NXPE1: variants seen among roughly 807,000 people sequenced by gnomAD.
NXPE1 encodes the protein NXPE family member 1.
Under a neutral mutation model 33.3 loss-of-function variants are expected in NXPE1, and 31 were observed. That is an observed-to-expected ratio of 0.93 (90% confidence interval 0.70 to 1.26). The LOEUF is 1.26. Ranked by LOEUF, NXPE1 falls within the 50% of genes most tolerant of loss-of-function variation. The probability of loss-of-function intolerance (pLI) is 0.00; values close to 1 mark genes in which losing one functional copy is unlikely to be tolerated. For missense variants in NXPE1, 661 were observed against 655.6 expected, an observed-to-expected ratio of 1.01 and a Z score of -0.09; for synonymous variants, 229 against 231.4, an observed-to-expected ratio of 0.99 and a Z score of 0.09.
chr11:114,529,899 GT>G (rs888886366), intron 6 of NXPE1: 1 of 367,262 alleles, frequency 2.7e-6, no homozygotes, highest in African/African-American at 2.1e-5. Flanking sequence ...GAGCATGGAT[GT>G]TATCATACAC....
chr11:114,531,625 C>T (rs1407151806), intron 5 of NXPE1, among the ~76,000 whole-genome samples: 1 of 152,186 alleles, frequency 6.6e-6, no homozygotes, highest in Admixed American at 6.6e-5. Flanking sequence ...ATTTTCAACT[C>T]TACTTCTTGC....
intron 1 of NXPE1, chr11:114,554,436 T>C (rs1411663326): frequency 7.4e-6 from 7 of 950,154 alleles, no homozygotes; most frequent in East Asian, 2.3e-4. Context: ...CTTTGTGACA[T>C]GGGCCCTTTG....
chr11:114,548,137 C>T (rs1315680823), intron 5 of NXPE1, among the ~76,000 whole-genome samples: 1 of 152,012 alleles, frequency 6.6e-6, no homozygotes. Context: ...AATTAAAACA[C>T]AAGCAATGAA....
chr11:114,535,479 C>T (rs564959938), intron 5 of NXPE1, among the ~76,000 whole-genome samples: 3 of 152,274 alleles, frequency 2.0e-5, no homozygotes, highest in Admixed American at 6.5e-5. Flanking sequence ...TTAAAAGGCA[C>T]AGACTGGCAA....
chr11:114,544,571 T>A (rs1226001594), intron 5 of NXPE1, among the ~76,000 whole-genome samples: 1 of 152,098 alleles, frequency 6.6e-6, no homozygotes, highest in Admixed American at 6.6e-5. Flanking sequence ...GACAGAAAAG[T>A]TAACTCTAAA....
intron 5 of NXPE1, among the ~76,000 whole-genome samples, chr11:114,538,421 T>G (rs1056681892): frequency 1.3e-5 from 2 of 151,988 alleles, no homozygotes; most frequent in African/African-American, 4.8e-5. Flanking sequence ...AAGCCAAAAT[T>G]GACAAATGGG....
intron 5 of NXPE1, among the ~76,000 whole-genome samples, chr11:114,534,619 C>T (rs927094355): frequency 6.6e-5 from 10 of 152,226 alleles, no homozygotes; most frequent in South Asian, 2.1e-4. Flanking sequence ...AACCACAGCA[C>T]GAGAGCTACG....
At chr11:114,551,281 A>G in intron 4 of NXPE1, 70 bp from the exon 5 acceptor site, 1 of 1,317,250 alleles carries the variant, frequency 7.6e-7, no homozygotes, top group South Asian at 1.5e-5. Flanking sequence ...TATTTTATTT[A>G]TAACTTGTAA....
chr11:114,522,780 A>ACCTTT, intron 8 of NXPE1, 99 bp downstream of exon 8: 1 of 825,256 alleles, frequency 1.2e-6, no homozygotes, highest in South Asian at 1.7e-5. Flanking sequence ...AGCCAAATGA[A>ACCTTT]GTAAAAAACA....
chr11:114,551,021 T>G, intron 5 of NXPE1, 82 bp downstream of exon 5: 20 of 715,214 alleles, frequency 2.8e-5, no homozygotes. Context: ...GGGGCAGGAC[T>G]AATGGAGTGG....
intron 5 of NXPE1, among the ~76,000 whole-genome samples, chr11:114,546,806 G>C (rs147943146): frequency 1.5e-4 from 23 of 152,222 alleles, no homozygotes; most frequent in African/African-American, 5.5e-4. Context: ...CGGAAAGCAA[G>C]AAATGCTCAA....
downstream of NXPE1, among the ~76,000 whole-genome samples, chr11:114,519,916 G>A (rs1947171668): frequency 2.4e-5 from 3 of 127,390 alleles, no homozygotes; most frequent in African/African-American, 1.1e-4. Context: ...TTTTGAGACA[G>A]AGTCTCGCTC....
chr11:114,538,793 G>T (rs1428867300), intron 5 of NXPE1, among the ~76,000 whole-genome samples: 1 of 152,086 alleles, frequency 6.6e-6, no homozygotes, highest in African/African-American at 2.4e-5. Context: ...AACAGGTGCT[G>T]GAGAGGATGT....
chr11:114,519,765 T>C (rs1947167876), downstream of NXPE1, among the ~76,000 whole-genome samples: 1 of 152,166 alleles, frequency 6.6e-6, no homozygotes. Flanking sequence ...ATTTTGTGTA[T>C]GTATCTTTTA....
chr11:114,542,058 C>T (rs1427360043), intron 5 of NXPE1, among the ~76,000 whole-genome samples: 1 of 152,064 alleles, frequency 6.6e-6, no homozygotes, highest in Non-Finnish European at 1.5e-5. Flanking sequence ...CTGACTGTTC[C>T]CACTTTTGTA....
At chr11:114,523,189 C>T in intron 7 of NXPE1, 98 bp from the exon 8 acceptor site, 1 of 801,190 alleles carries the variant, frequency 1.2e-6, no homozygotes, top group Non-Finnish European at 2.0e-6. Context: ...TTCCCCCTTC[C>T]TGTAATGCCT....
chr11:114,530,571 G>A, exon 6 of NXPE1: 1 of 1,613,958 alleles, frequency 6.2e-7, no homozygotes, highest in Non-Finnish European at 8.5e-7. Context: ...CGTCAGTGCT[G>A]GGGAGGACAT....
chr11:114,542,924 C>T (rs1948150903), intron 5 of NXPE1, among the ~76,000 whole-genome samples: 1 of 152,120 alleles, frequency 6.6e-6, no homozygotes, highest in Non-Finnish European at 1.5e-5. Context: ...ATATTTACCA[C>T]ATCAATAAAT....
At chr11:114,529,118 G>A (rs1440832075) in intron 6 of NXPE1, 2 of 288,366 alleles carry the variant, frequency 6.9e-6, no homozygotes, top group East Asian at 5.7e-5. Context: ...CTCTAAACTT[G>A]ACTTTGAAAA....
Sources: gnomAD v4.1 joint callset for allele counts (sites outside exome capture counted in the v4.1 genomes callset) on GRCh38, gnomAD v4.1.1 for gene constraint, MANE v1.5 for transcripts, NCBI Gene and HGNC (gene_info 2026-07-23, HGNC 2026-07-21) for gene names.